PKNOX2: variants seen among roughly 807,000 people sequenced by gnomAD.
The protein encoded by PKNOX2 is homeobox protein PKNOX2.
PKNOX2 carries 14 observed loss-of-function variants against 53.1 expected under a neutral mutation model. The ratio of observed to expected loss-of-function variants is 0.26; its 90% CI spans 0.17 to 0.41. The LOEUF is 0.41. Ranked by LOEUF, PKNOX2 falls within the 10% of genes least tolerant of loss-of-function variation. The probability of loss-of-function intolerance (pLI) is 1.00; values close to 1 mark genes in which losing one functional copy is unlikely to be tolerated. For synonymous variants in PKNOX2, 257 were observed against 242.8 expected (o/e 1.06, Z -0.54); for missense variants, 496 against 602.8 (o/e 0.82, Z 1.85).
intron 2 of PKNOX2, among the ~76,000 whole-genome samples, chr11:125,253,241 T>C (rs2135688882): frequency 6.6e-6 from 1 of 152,334 alleles, no homozygotes; most frequent in Non-Finnish European, 1.5e-5. Flanking sequence ...AGATACTCTT[T>C]GAGGCACTTG....
chr11:125,167,845 A>C (rs1172984413), intron 1 of PKNOX2, among the ~76,000 whole-genome samples: 2 of 152,158 alleles, frequency 1.3e-5, no homozygotes, highest in African/African-American at 4.8e-5. Flanking sequence ...CACATGGCAG[A>C]GCTTGGGGGA....
At chr11:125,398,149 C>A in intron 7 of PKNOX2, 87 bp downstream of exon 7, 2 of 1,405,558 alleles carry the variant, frequency 1.4e-6, no homozygotes, top group Non-Finnish European at 1.9e-6. Flanking sequence ...CCCCTGGTGA[C>A]CTTCACTGGG....
At chr11:125,306,358 C>G (rs1278253783) in intron 2 of PKNOX2, among the ~76,000 whole-genome samples, 4 of 152,208 alleles carry the variant, frequency 2.6e-5, no homozygotes, top group Non-Finnish European at 5.9e-5. Context: ...CCCCAGGGAG[C>G]TCACTGATGC....
At chr11:125,242,930 G>A (rs1048357642) in intron 2 of PKNOX2, among the ~76,000 whole-genome samples, 3 of 152,208 alleles carry the variant, frequency 2.0e-5, no homozygotes, top group African/African-American at 7.2e-5. Context: ...GATTGAACAA[G>A]TGTGCATTTT....
chr11:125,377,037 G>A (rs776621329), intron 5 of PKNOX2, among the ~76,000 whole-genome samples: 2 of 152,208 alleles, frequency 1.3e-5, no homozygotes, highest in Non-Finnish European at 2.9e-5. Context: ...GTGGAGATGG[G>A]AATATAAATT....
chr11:125,220,706 A>G (rs1941057254), intron 1 of PKNOX2, among the ~76,000 whole-genome samples: 1 of 152,096 alleles, frequency 6.6e-6, no homozygotes, highest in South Asian at 2.1e-4. Context: ...CTATTTCTCC[A>G]TCCATCCATC....
chr11:125,176,098 G>A (rs1391107758), intron 1 of PKNOX2, among the ~76,000 whole-genome samples: 1 of 152,122 alleles, frequency 6.6e-6, no homozygotes, highest in Non-Finnish European at 1.5e-5. Flanking sequence ...AGTTCCCCTG[G>A]GATTCCTGAG....
At chr11:125,222,372 T>G (rs1446903382) in intron 1 of PKNOX2, among the ~76,000 whole-genome samples, 1 of 152,156 alleles carries the variant, frequency 6.6e-6, no homozygotes, top group Admixed American at 6.5e-5. Context: ...TGTCTTTTTG[T>G]TTTTCTTGGT....
chr11:125,239,131 G>T (rs1011631473), intron 2 of PKNOX2, among the ~76,000 whole-genome samples: 1 of 152,194 alleles, frequency 6.6e-6, no homozygotes, highest in Admixed American at 6.5e-5. Context: ...CCTTTCCATT[G>T]CTTCTGACAG....
At chr11:125,316,365 G>A (rs77712783) in intron 2 of PKNOX2, among the ~76,000 whole-genome samples, 10,642 of 152,224 alleles carry the variant, frequency 0.07, 675 homozygotes, top group East Asian at 0.18. Context: ...GAAGCTGAAA[G>A]TGCAGGATAA....
chr11:125,180,238 TG>T (rs1441437083), intron 1 of PKNOX2, among the ~76,000 whole-genome samples: 1 of 152,212 alleles, frequency 6.6e-6, no homozygotes, highest in African/African-American at 2.4e-5. Context: ...AAATCCCTTT[TG>T]TCCCCTCCCT....
intron 2 of PKNOX2, among the ~76,000 whole-genome samples, chr11:125,269,298 T>A (rs1420157467): frequency 1.3e-5 from 2 of 152,122 alleles, no homozygotes; most frequent in East Asian, 3.9e-4. Context: ...CCGCAGGTAT[T>A]CATCATCCTG....
chr11:125,170,788 G>A (rs980114727), intron 1 of PKNOX2, among the ~76,000 whole-genome samples: 11 of 146,286 alleles, frequency 7.5e-5, no homozygotes, highest in Non-Finnish European at 1.2e-4. Context: ...AAACAGCTTC[G>A]TTCTTGTATT....
At chr11:125,419,392 G>C (rs1956051746) in intron 10 of PKNOX2, among the ~76,000 whole-genome samples, 1 of 146,986 alleles carries the variant, frequency 6.8e-6, no homozygotes, top group South Asian at 2.1e-4. Flanking sequence ...AAAATGCTGA[G>C]AGAAACCACA....
intron 2 of PKNOX2, among the ~76,000 whole-genome samples, chr11:125,254,420 G>C (rs1944252372): frequency 6.6e-6 from 1 of 152,224 alleles, no homozygotes; most frequent in Admixed American, 6.5e-5. Flanking sequence ...AGGGCAGCAA[G>C]GGGAGAAAGA....
At chr11:125,263,190 G>A (rs184007111) in intron 2 of PKNOX2, among the ~76,000 whole-genome samples, 2 of 152,272 alleles carry the variant, frequency 1.3e-5, no homozygotes, top group African/African-American at 2.4e-5. Flanking sequence ...AATGCAATGG[G>A]GAGGACATTG....
At chr11:125,280,958 A>G (rs1946517918) in intron 2 of PKNOX2, among the ~76,000 whole-genome samples, 1 of 152,086 alleles carries the variant, frequency 6.6e-6, no homozygotes, top group African/African-American at 2.4e-5. Context: ...GAGGTTTCAG[A>G]TATATGGGGA....
chr11:125,393,929 G>A (rs1483047965), intron 6 of PKNOX2, among the ~76,000 whole-genome samples: 1 of 129,384 alleles, frequency 7.7e-6, no homozygotes, highest in Admixed American at 8.0e-5. Flanking sequence ...ACACGGGTGG[G>A]GGGTGGGGCA....
intron 2 of PKNOX2, among the ~76,000 whole-genome samples, chr11:125,245,329 G>T (rs528022434): frequency 2.0e-4 from 31 of 152,312 alleles, no homozygotes; most frequent in Non-Finnish European, 3.4e-4. Context: ...CACTATCTGT[G>T]GTCACCCTCC....
Sources: gnomAD v4.1 joint callset for allele counts (sites outside exome capture counted in the v4.1 genomes callset) on GRCh38, gnomAD v4.1.1 for gene constraint, MANE v1.5 for transcripts, NCBI Gene and HGNC (gene_info 2026-07-23, HGNC 2026-07-21) for gene names.